The following MICU2 variants were observed in gnomAD, a reference collection of about 807,000 sequenced individuals.
MICU2 encodes mitochondrial calcium uptake 2, also known as calcium uptake protein 2, mitochondrial.
MICU2 carries 64 observed loss-of-function variants against 60.4 expected under a neutral mutation model. The ratio of observed to expected loss-of-function variants is 1.06; its 90% CI spans 0.87 to 1.31. The LOEUF (loss-of-function observed/expected upper bound fraction) is 1.31, where lower values mean the gene tolerates loss of function less well. Ranked by LOEUF, MICU2 falls within the 50% of genes most tolerant of loss-of-function variation. The probability of loss-of-function intolerance (pLI) is 0.00; values close to 1 mark genes in which losing one functional copy is unlikely to be tolerated. For missense variants in MICU2, 569 were observed against 531.0 expected, an observed-to-expected ratio of 1.07 and a Z score of -0.70; for synonymous variants, 201 against 175.0, an observed-to-expected ratio of 1.15 and a Z score of -1.17.
chr13:21,519,142 C>T (rs1307844062), intron 6 of MICU2, among the ~76,000 whole-genome samples: 4 of 152,174 alleles, frequency 2.6e-5, no homozygotes, highest in Admixed American at 6.5e-5. Flanking sequence ...CTACAACCTC[C>T]GCTTCCTGGG....
Position 21,493,363 on chromosome 13 carries a change from G to A in MICU2, c.1201-10C>T, listed in dbSNP as rs117322839. ...TCTGATGTTGTGGTACCTGTTAACCGAAAGTAAAAATCAAGGGGTCATTGT... is the reference window on the plus strand; with the variant it reads ...TCTGATGTTGTGGTACCTGTTAACCAAAAGTAAAAATCAAGGGGTCATTGT... On this transcript the variant is annotated splice_polypyrimidine_tract_variant and intron_variant, in intron 11 of 11. Coordinates refer to ENST00000382374, the MANE Select transcript of MICU2 (RefSeq NM_152726.3). 26,594 of 1,576,020 alleles carry A rather than the reference G, an allele frequency of 0.017. 254 individuals carry two copies. Among genetic ancestry groups the A allele is most frequent in the Non-Finnish European group, 0.019 (22,482 of 1,162,216 alleles).
intron 1 of MICU2, among the ~76,000 whole-genome samples, chr13:21,576,099 C>T (rs74036807): frequency 0.024 from 3,722 of 152,228 alleles, 146 homozygotes; most frequent in African/African-American, 0.082. Flanking sequence ...GTATGTTCCA[C>T]GAGGATAAAT....
intron 1 of MICU2, chr13:21,603,666 G>A (rs1207970266): frequency 3.8e-6 from 2 of 526,840 alleles, no homozygotes; most frequent in African/African-American, 4.1e-5. Context: ...AAATTAGTGC[G>A]GCCAGTTTTG....
At chr13:21,554,462 T>C (rs1014891683) in intron 2 of MICU2, among the ~76,000 whole-genome samples, 1 of 152,080 alleles carries the variant, frequency 6.6e-6, no homozygotes, top group African/African-American at 2.4e-5. Context: ...AAGGCAGAAA[T>C]AAAGAGGTTC....
chr13:21,597,888 G>A (rs1336565159), intron 1 of MICU2, among the ~76,000 whole-genome samples: 4 of 125,986 alleles, frequency 3.2e-5, no homozygotes, highest in Admixed American at 1.0e-4. Context: ...TGGAGATCAC[G>A]CCACTGCACT....
At chr13:21,572,718 A>G (rs530794808) in intron 1 of MICU2, among the ~76,000 whole-genome samples, 4 of 152,254 alleles carry the variant, frequency 2.6e-5, no homozygotes, top group Admixed American at 2.0e-4. Flanking sequence ...ATACTGTTGC[A>G]TGATTCAGCC....
intron 2 of MICU2, among the ~76,000 whole-genome samples, chr13:21,557,241 G>A (rs2138027437): frequency 6.6e-6 from 1 of 152,250 alleles, no homozygotes; most frequent in South Asian, 2.1e-4. Context: ...AGCAATTCCA[G>A]GTAATGGACG....
intron 9 of MICU2, among the ~76,000 whole-genome samples, chr13:21,500,435 T>G (rs865922542): frequency 0.015 from 2,194 of 148,120 alleles, 40 homozygotes; most frequent in Middle Eastern, 0.1. Flanking sequence ...TTTTTTTTTT[T>G]TTTTTTTTTT....
chr13:21,519,209 A>C (rs1174221149), intron 6 of MICU2, among the ~76,000 whole-genome samples: 9 of 152,094 alleles, frequency 5.9e-5, no homozygotes, highest in Admixed American at 5.9e-4. Flanking sequence ...GGCATACGCC[A>C]CCACGCCCGG....
intron 1 of MICU2, among the ~76,000 whole-genome samples, chr13:21,588,468 T>G (rs930798445): frequency 6.6e-6 from 1 of 152,198 alleles, no homozygotes; most frequent in South Asian, 2.1e-4. Context: ...TCCAGCACCC[T>G]GCAGGTCAGC....
intron 1 of MICU2, among the ~76,000 whole-genome samples, chr13:21,568,678 A>G (rs1292882661): frequency 2.0e-5 from 3 of 152,198 alleles, no homozygotes; most frequent in African/African-American, 7.2e-5. Flanking sequence ...TACTGGTGCC[A>G]TAACAAGATA....
At chr13:21,521,222 TA>T in intron 6 of MICU2, 22 bp downstream of exon 6, 1 of 1,543,684 alleles carries the variant, frequency 6.5e-7, no homozygotes, top group East Asian at 2.3e-5. Flanking sequence ...ATGATAAACC[TA>T]AAATAATTAG....
intron 1 of MICU2, among the ~76,000 whole-genome samples, chr13:21,579,933 G>A (rs553369556): frequency 1.6e-4 from 24 of 152,174 alleles, no homozygotes; most frequent in African/African-American, 3.9e-4. Flanking sequence ...CAAGTTTTGC[G>A]GTTTTTTTGG....
At chr13:21,503,630 C>T (rs191666903) in intron 8 of MICU2, among the ~76,000 whole-genome samples, 32 of 152,270 alleles carry the variant, frequency 2.1e-4, no homozygotes, top group African/African-American at 7.7e-4. Context: ...TAATACATGT[C>T]GATATGACTC....
chr13:21,589,341 C>T (rs941128518), intron 1 of MICU2, among the ~76,000 whole-genome samples: 1 of 152,146 alleles, frequency 6.6e-6, no homozygotes, highest in Non-Finnish European at 1.5e-5. Flanking sequence ...ACCATACATC[C>T]GTAGGTTGGT....
rs1887991658 is a variant in MICU2 at position 21,566,738 on chromosome 13, AG to A, written c.358+58del. On this transcript the variant is annotated intron_variant, in intron 2 of 11. Transcript: ENST00000382374. ...AAAGCTGTTATCAATCCTGAAAAAC[AG>A]GTTTTTCAGCCCTGAAGTCTGATTT... 1.8e-5 allele frequency: 25 copies of A among 1,363,226 alleles called. 1 individual carries two copies. In the South Asian group the frequency reaches 3.2e-4, roughly 17 times the overall value. 84.4% of individuals were successfully genotyped at this position (1,363,226 alleles called of 1,614,324 possible).
intron 2 of MICU2, among the ~76,000 whole-genome samples, chr13:21,545,676 A>G (rs1280309491): frequency 2.0e-5 from 3 of 152,124 alleles, no homozygotes; most frequent in Admixed American, 6.5e-5. Flanking sequence ...TCCATCTAAA[A>G]AAAAAAAAGG....
At chr13:21,545,483 C>T (rs2138009700) in intron 2 of MICU2, among the ~76,000 whole-genome samples, 1 of 152,268 alleles carries the variant, frequency 6.6e-6, no homozygotes, top group South Asian at 2.1e-4. Context: ...GAGTTCGAGA[C>T]CAGCCTGACC....
chr13:21,496,985 C>A (rs868068859), intron 9 of MICU2, among the ~76,000 whole-genome samples: 5 of 152,030 alleles, frequency 3.3e-5, no homozygotes, highest in African/African-American at 1.2e-4. Context: ...TGGTGTGAAC[C>A]CAGGAGGCAG....
Sources: allele counts gnomAD v4.1 joint callset (sites outside exome capture counted in the v4.1 genomes callset), GRCh38; gene constraint gnomAD v4.1.1; transcripts MANE v1.5; gene names NCBI Gene and HGNC (gene_info 2026-07-23, HGNC 2026-07-21).